Variants in MMEL1 observed in about 807,000 individuals in gnomAD.
The protein encoded by MMEL1 is membrane metalloendopeptidase like 1.
In MMEL1, 98 loss-of-function variants were observed where a neutral mutation model predicts 117.1. The ratio of observed to expected loss-of-function variants is 0.84; its 90% CI spans 0.71 to 0.99. The LOEUF (loss-of-function observed/expected upper bound fraction) is 0.99. MMEL1 is among the 50% of genes least tolerant of loss of function. The pLI is 0.00. For synonymous variants in MMEL1, 390 were observed against 415.1 expected (o/e 0.94, Z 0.74); for missense variants, 1,014 against 1,049.1 (o/e 0.97, Z 0.46).
intron 6 of MMEL1, among the ~76,000 whole-genome samples, chr1:2,607,733 G>C (rs958930028): frequency 6.6e-6 from 1 of 152,140 alleles, no homozygotes; most frequent in Non-Finnish European, 1.5e-5. Flanking sequence ...TAGTGGAAGA[G>C]GGGAGGCCCG....
rs773695354 is a variant in MMEL1 at position 2,592,956 on chromosome 1, G to A, written c.1878C>T (p.Phe626=). The A allele has an allele frequency of 2.7e-5, 44 of 1,613,304 alleles. No homozygotes were observed. The highest frequency in any genetic ancestry group is 3.4e-5 in the Non-Finnish European group (40 of 1,179,880). ...AATCCATCATGTTGCCATTCTTGTCGAAGTTCCGGCCTGGGCAGGGGCAGA... is the reference window on the plus strand; with the variant it reads ...AATCCATCATGTTGCCATTCTTGTCAAAGTTCCGGCCTGGGCAGGGGCAGA... The part of the protein sequence containing the change: ...THGFDDNGRN[F]DKNGNMMDWW... The change falls in exon 20 of 24, where the codon TTC becomes TTT. Residue 626 remains phenylalanine, a synonymous_variant. Coordinates refer to ENST00000378412, the MANE Select transcript of MMEL1 (RefSeq NM_033467.4).
rs749405724 is a variant in MMEL1 at position 2,592,931 on chromosome 1, A to C, written c.1903T>G (p.Trp635Gly). Residue 635 changes from tryptophan to glycine, a missense_variant, in exon 20 of 24, where the codon TGG (tryptophan) becomes GGG (glycine). Transcript: ENST00000378412. Reference protein sequence around the residue: ...NFDKNGNMMDWWSNFSTQHFR... With the variant: ...NFDKNGNMMDGWSNFSTQHFR... The stretch of plus-strand genomic sequence containing the variant: ...TGCTGGGTGGAGAAGTTACTCCACC[A>C]ATCCATCATGTTGCCATTCTTGTCG... 2 of 1,613,754 alleles carry C rather than the reference A, an allele frequency of 1.2e-6. No individual in the cohort carries two copies. Among genetic ancestry groups the C allele is most frequent in the Non-Finnish European group, 1.7e-6 (2 of 1,179,928 alleles).
chr1:2,595,522 C>T lies in MMEL1; in HGVS notation c.1501-163G>A, dbSNP rs1014565372. 5.9e-5 allele frequency among the ~76,000 whole-genome samples: 9 copies of T among 152,124 alleles called. No homozygotes were observed. The highest frequency in any genetic ancestry group is 2.2e-4 in the African/African-American group (9 of 41,406). ...GGGCTGGGGGGCTCCGGGATCTGGC[C>T]CCCACCTTGCAGGCTCTGGGGAGGT... On this transcript the variant is annotated intron_variant, in intron 15 of 23. Transcript: ENST00000378412. The surrounding 1 kb of genome is among the most constrained non-coding windows in gnomAD (Gnocchi z 4.8).
At chr1:2,616,649 G>C (rs1276163334) in intron 2 of MMEL1, among the ~76,000 whole-genome samples, 2 of 152,208 alleles carry the variant, frequency 1.3e-5, no homozygotes, top group Non-Finnish European at 2.9e-5. Context: ...AAACCAGTGG[G>C]AAGACCAGAT....
rs565936342 is a variant in MMEL1, at chr1:2,595,036, G to A, written c.1585-143C>T. On this transcript the variant is annotated intron_variant, in intron 16 of 23. Transcript: ENST00000378412. This position sits in a 1 kb window ranked among gnomAD's most constrained non-coding sequence, Gnocchi z 4.8. ...CAGTCGGCTGTGGGTGCAGGTGAACGGGGCAGCCCTGGCTGTGGGCATTTA... is the reference window on the plus strand; with the variant it reads ...CAGTCGGCTGTGGGTGCAGGTGAACAGGGCAGCCCTGGCTGTGGGCATTTA... 3 of 737,180 alleles carry A rather than the reference G, an allele frequency of 4.1e-6. No individual in the cohort carries two copies. The highest frequency in any genetic ancestry group is 4.6e-6 in the Non-Finnish European group (2 of 438,524). The allele number at this position is 737,180 out of a possible 1,614,324, so 45.7% of individuals were successfully genotyped here. A position where few individuals can be genotyped will look rare whatever the true frequency, so the allele number is the denominator to read the frequency against.
intron 13 of MMEL1, among the ~76,000 whole-genome samples, chr1:2,597,605 A>G (rs2100932375): frequency 6.8e-6 from 1 of 146,874 alleles, no homozygotes; most frequent in African/African-American, 2.5e-5. Context: ...TACTCAACTC[A>G]CTCTCCCCAG....
chr1:2,591,511 GAGGGGGTTGTGGGTGGCA>G, intron 23 of MMEL1, 28 bp downstream of exon 23: 1 of 1,484,002 alleles, frequency 6.7e-7, no homozygotes, highest in Non-Finnish European at 9.4e-7. Context: ...GGGTGGGGGT[GAGGGGGTTGTGGGTGGCA>G]AGGGGGTTGT....
At chr1:2,617,785 G>A (rs1481391677) in intron 2 of MMEL1, among the ~76,000 whole-genome samples, 1 of 152,134 alleles carries the variant, frequency 6.6e-6, no homozygotes, top group Non-Finnish European at 1.5e-5. Flanking sequence ...AGACCCTTTT[G>A]ACACAATGGC....
intron 4 of MMEL1, 138 bp downstream of exon 4, chr1:2,611,143 C>T (rs1395714034): frequency 4.8e-6 from 4 of 829,380 alleles, no homozygotes; most frequent in East Asian, 3.1e-5. Context: ...ACAGCGAGTC[C>T]GAGTCCGGCC....
Position 2,595,046 on chromosome 1 carries a change from T to G in MMEL1, c.1585-153A>C, listed in dbSNP as rs1399801919. 6.6e-6 allele frequency among the ~76,000 whole-genome samples: 1 copy of G among 152,236 alleles called. No individual in the cohort carries two copies. The highest frequency in any genetic ancestry group is 1.5e-5 in the Non-Finnish European group (1 of 68,032). ...TGGGTGCAGGTGAACGGGGCAGCCC[T>G]GGCTGTGGGCATTTACATGACTCTG... On this transcript the variant is annotated intron_variant, in intron 16 of 23. Transcript: ENST00000378412. This position sits in a 1 kb window ranked among gnomAD's most constrained non-coding sequence, Gnocchi z 4.8.
In MMEL1 at chr1:2,629,540, G is replaced by A; in HGVS notation, c.-37-19C>T. On this transcript the variant is annotated intron_variant, in intron 1 of 23. Transcript: ENST00000378412. ...GAGGAACCTGCAGGCCCAGGGCAGG[G>A]GAGAGGGGAGAGGGGCGTGGAGCTC... 7.2e-7 allele frequency: 1 copy of A among 1,395,952 alleles called. No homozygotes were observed. The highest frequency in any genetic ancestry group is 9.3e-7 in the Non-Finnish European group (1 of 1,076,756). 86.5% of individuals were successfully genotyped at this position (1,395,952 alleles called of 1,614,324 possible).
chr1:2,609,029 TATA>T (rs1271764990), intron 6 of MMEL1, among the ~76,000 whole-genome samples: 2 of 142,848 alleles, frequency 1.4e-5, no homozygotes, highest in Non-Finnish European at 3.1e-5. Context: ...CTCATATCCA[TATA>T]ATACACACAC....
chr1:2,620,561 G>A (rs533358123), intron 2 of MMEL1, among the ~76,000 whole-genome samples: 87 of 152,148 alleles, frequency 5.7e-4, no homozygotes, highest in Non-Finnish European at 1.2e-3. Context: ...CCCCTAATGT[G>A]ACTATTTGGG....
intron 10 of MMEL1, 38 bp downstream of exon 10, chr1:2,604,109 A>G: frequency 6.4e-7 from 1 of 1,562,232 alleles, no homozygotes. Context: ...CTCCCAGCCC[A>G]CTCGCTGCCC....
At position 2,609,617 on chromosome 1, in the gene MMEL1, G is replaced by A. The variant is rs12087442; in HGVS notation, c.454+53C>T. 3.9e-4 allele frequency: 608 copies of A among 1,566,138 alleles called. 6 individuals are homozygous for A. In the African/African-American group the frequency reaches 6.8e-3, roughly 18 times the overall value. On this transcript the variant is annotated intron_variant, in intron 5 of 23. Coordinates refer to ENST00000378412, the MANE Select transcript of MMEL1 (RefSeq NM_033467.4). ...CACAGCCAGGACCAACTCCTGGCCCGGTGCTGTCCTGTTCGGCGTCACCCC... is the reference window on the plus strand; with the variant it reads ...CACAGCCAGGACCAACTCCTGGCCCAGTGCTGTCCTGTTCGGCGTCACCCC...
intron 19 of MMEL1, 83 bp from the exon 20 acceptor site, chr1:2,593,049 T>C: frequency 6.6e-7 from 1 of 1,517,918 alleles, no homozygotes; most frequent in Non-Finnish European, 8.9e-7. Context: ...GCCTGGCCGC[T>C]CCTGCCCCTC....
In MMEL1 at chr1:2,629,472, C is replaced by G. The variant is rs980981638; in HGVS notation, c.13G>C (p.Glu5Gln). The change falls in exon 2 of 24, where the codon GAA (glutamate) becomes CAA (glutamine). Residue 5 changes from glutamate to glutamine, a missense_variant. Physicochemically the swap from Glu to Gln is conservative, Grantham distance 29 (BLOSUM62 2). Coordinates refer to ENST00000378412, the MANE Select transcript of MMEL1 (RefSeq NM_033467.4). The part of the protein sequence containing the change: MGKS[E>Q]GPVGMVESAG... ...CTCTCCACCATCCCCACTGGGCCTT[C>G]GGACTTCCCCATCAGCAGGGCTCTG... is the stretch of plus-strand genomic sequence containing the variant. 2 of 1,519,092 alleles carry G rather than the reference C, an allele frequency of 1.3e-6. No homozygotes were observed. The highest frequency in any genetic ancestry group is 2.8e-5 in the African/African-American group (2 of 71,718). The allele number at this position is 1,519,092 out of a possible 1,614,324, so 94.1% of individuals were successfully genotyped here. A position where few individuals can be genotyped will look rare whatever the true frequency, so the allele number is the denominator to read the frequency against.
intron 13 of MMEL1, among the ~76,000 whole-genome samples, chr1:2,597,057 T>C (rs755343149): frequency 2.0e-5 from 3 of 151,954 alleles, no homozygotes; most frequent in African/African-American, 4.8e-5. Flanking sequence ...TGGGACCACG[T>C]CCCTCTCAGC....
intron 4 of MMEL1, 59 bp downstream of exon 4, chr1:2,611,222 G>A (rs1645121709): frequency 1.3e-6 from 2 of 1,502,150 alleles, no homozygotes; most frequent in African/African-American, 1.4e-5. Context: ...CTACGTCAGT[G>A]TCAGCCGGGA....
Sources: gnomAD v4.1 joint callset for allele counts (sites outside exome capture counted in the v4.1 genomes callset) on GRCh38, gnomAD v4.1.1 for gene constraint, Gnocchi (gnomAD v3.1) non-coding constraint, MANE v1.5 for transcripts, NCBI Gene and HGNC (gene_info 2026-07-23, HGNC 2026-07-21) for gene names.